TXNRD2: variants seen among roughly 807,000 people sequenced by gnomAD.
TXNRD2 encodes thioredoxin reductase 2, mitochondrial.
TXNRD2 carries 67 observed loss-of-function variants against 70.8 expected under a neutral mutation model. The ratio of observed to expected loss-of-function variants is 0.95; its 90% CI spans 0.78 to 1.16. TXNRD2 has a LOEUF of 1.16. Among genes scored for constraint, TXNRD2 ranks in the 50% most tolerant of loss-of-function variants. The probability of loss-of-function intolerance (pLI) is 0.00; values close to 1 mark genes in which losing one functional copy is unlikely to be tolerated. For missense variants in TXNRD2, 644 were observed against 719.9 expected, an observed-to-expected ratio of 0.89 and a Z score of 1.21; for synonymous variants, 301 against 295.8, an observed-to-expected ratio of 1.02 and a Z score of -0.18.
At chr22:19,910,630 G>A (rs999543742) in intron 8 of TXNRD2, among the ~76,000 whole-genome samples, 3 of 152,192 alleles carry the variant, frequency 2.0e-5, no homozygotes, top group African/African-American at 7.2e-5. Flanking sequence ...GTTTAGTTTT[G>A]AGACAAGGTC....
intron 8 of TXNRD2, among the ~76,000 whole-genome samples, chr22:19,907,707 C>T (rs111476985): frequency 3.6e-4 from 13 of 35,744 alleles, no homozygotes; most frequent in African/African-American, 8.3e-4. Context: ...TAGCAGTGAC[C>T]GCTCTCAGGA....
chr22:19,921,996 G>C (rs1178674665), intron 2 of TXNRD2, among the ~76,000 whole-genome samples: 1 of 152,150 alleles, frequency 6.6e-6, no homozygotes, highest in African/African-American at 2.4e-5. Flanking sequence ...GACCCAAAAG[G>C]ATCAAACTGA....
At chr22:19,932,394 C>T (rs750809684) in intron 1 of TXNRD2, 53 of 1,612,622 alleles carry the variant, frequency 3.3e-5, no homozygotes, top group Non-Finnish European at 4.4e-5. Flanking sequence ...CATAGTGCCA[C>T]TCTCAGCCTT....
At chr22:19,915,424 G>A in intron 6 of TXNRD2, 148 bp from the exon 7 acceptor site, 1 of 828,226 alleles carries the variant, frequency 1.2e-6, no homozygotes, top group Non-Finnish European at 2.0e-6. Flanking sequence ...GAGGCCCTAT[G>A]GAGCTGGAAT....
At chr22:19,932,422 GTCA>G in intron 1 of TXNRD2, 1 of 1,612,512 alleles carries the variant, frequency 6.2e-7, no homozygotes, top group South Asian at 1.1e-5. Context: ...TGCAAAAGGT[GTCA>G]TCGTGTCTAC....
chr22:19,886,709 G>A (rs1939048842), intron 11 of TXNRD2, among the ~76,000 whole-genome samples: 1 of 152,248 alleles, frequency 6.6e-6, no homozygotes, highest in South Asian at 2.1e-4. Context: ...AGCTGTGCCT[G>A]TGGCCCACTG....
intron 10 of TXNRD2, among the ~76,000 whole-genome samples, chr22:19,897,610 AC>A (rs1256077910): frequency 6.6e-6 from 1 of 151,900 alleles, no homozygotes; most frequent in East Asian, 1.9e-4. Context: ...TGTGTCCCTC[AC>A]CCCAGCTCAC....
At chr22:19,907,886 G>A (rs1312861374) in intron 8 of TXNRD2, among the ~76,000 whole-genome samples, 8 of 49,520 alleles carry the variant, frequency 1.6e-4, no homozygotes, top group South Asian at 8.1e-4. Flanking sequence ...GAGTGTGGGC[G>A]CCGTGGGTAG....
intron 1 of TXNRD2, chr22:19,933,294 T>C: frequency 2.2e-6 from 1 of 449,220 alleles, no homozygotes; most frequent in East Asian, 7.0e-5. Context: ...ATGGCTTTAA[T>C]ATAAGTCTAG....
intron 11 of TXNRD2, among the ~76,000 whole-genome samples, chr22:19,890,202 G>T (rs559713446): frequency 2.0e-5 from 3 of 152,186 alleles, no homozygotes; most frequent in Admixed American, 2.0e-4. Flanking sequence ...GCGCACGCCC[G>T]GGGCCACGTG....
At chr22:19,909,844 CCCT>C (rs1940294370) in intron 8 of TXNRD2, among the ~76,000 whole-genome samples, 1 of 77,624 alleles carries the variant, frequency 1.3e-5, no homozygotes, top group African/African-American at 5.4e-5. Context: ...CACACCCACA[CCCT>C]TCACACACAC....
intron 2 of TXNRD2, among the ~76,000 whole-genome samples, chr22:19,923,672 G>T (rs1485603490): frequency 6.6e-6 from 1 of 152,022 alleles, no homozygotes; most frequent in African/African-American, 2.4e-5. Context: ...TGTGGTGGTG[G>T]GCGCCTGTAA....
intron 1 of TXNRD2, among the ~76,000 whole-genome samples, chr22:19,931,344 C>A (rs1725960967): frequency 6.6e-6 from 1 of 152,186 alleles, no homozygotes; most frequent in African/African-American, 2.4e-5. Context: ...CCATACCAAC[C>A]ACTCTGAACT....
intron 13 of TXNRD2, 141 bp from the exon 14 acceptor site, chr22:19,880,412 C>G (rs2145932360): frequency 1.1e-6 from 1 of 935,800 alleles, no homozygotes; most frequent in Admixed American, 2.0e-5. Context: ...GGCGACCCAC[C>G]TGCCCACGCC....
At position 19,939,378 on chromosome 22, in the gene TXNRD2, G is replaced by A. The variant is rs550135168; in HGVS notation, c.103+2323C>T. ...ATTAGCCTGAAAATAACATCCCTCTGTTCTTCTCTTCCTCCTTCAGCACTG... is the reference window on the plus strand; with the variant it reads ...ATTAGCCTGAAAATAACATCCCTCTATTCTTCTCTTCCTCCTTCAGCACTG... On this transcript the variant is annotated intron_variant, in intron 1 of 17. Coordinates refer to ENST00000400521, the MANE Select transcript of TXNRD2 (RefSeq NM_006440.5). Among the ~76,000 whole-genome samples the A allele has an allele frequency of 5.9e-5, 9 of 152,244 alleles. No homozygotes were observed. The East Asian group carries it at 1.5e-3, about 26-fold the overall frequency.
chr22:19,879,016 C>T (rs1266268254), intron 14 of TXNRD2, among the ~76,000 whole-genome samples: 1 of 152,228 alleles, frequency 6.6e-6, no homozygotes, highest in Non-Finnish European at 1.5e-5. Flanking sequence ...ATTAATGGAA[C>T]TTCAGAGAAT....
chr22:19,931,243 A>G, intron 1 of TXNRD2, 145 bp from the exon 2 acceptor site: 2 of 770,988 alleles, frequency 2.6e-6, no homozygotes, highest in Non-Finnish European at 4.5e-6. Flanking sequence ...GTGACTCGAT[A>G]CACATAGTCT....
At chr22:19,900,465 T>G (rs1939722146) in intron 8 of TXNRD2, among the ~76,000 whole-genome samples, 1 of 152,170 alleles carries the variant, frequency 6.6e-6, no homozygotes, top group Non-Finnish European at 1.5e-5. Context: ...AGATATGAAG[T>G]TATGGCCAGG....
At chr22:19,913,591 T>A (rs1397955910) in intron 7 of TXNRD2, among the ~76,000 whole-genome samples, 2 of 152,222 alleles carry the variant, frequency 1.3e-5, no homozygotes, top group African/African-American at 2.4e-5. Flanking sequence ...AACAACAGAC[T>A]GCCCAAAAAG....
Sources: allele counts gnomAD v4.1 joint callset (sites outside exome capture counted in the v4.1 genomes callset), GRCh38; gene constraint gnomAD v4.1.1; transcripts MANE v1.5; gene names NCBI Gene and HGNC (gene_info 2026-07-23, HGNC 2026-07-21).